The following SPAST variants were observed in gnomAD, a reference collection of about 807,000 sequenced individuals.
SPAST encodes spastic paraplegia 4 (autosomal dominant; spastin).
Under a neutral mutation model 76.6 loss-of-function variants are expected in SPAST, and 30 were observed. The observed-to-expected ratio is 0.39, with a 90% CI of 0.29 to 0.53. SPAST has a LOEUF of 0.53. Ranked by LOEUF, SPAST falls within the 20% of genes least tolerant of loss-of-function variation. The pLI, the probability that SPAST is intolerant of heterozygous loss-of-function variation, is 0.68. For synonymous variants in SPAST, 305 were observed against 281.0 expected (o/e 1.09, Z -0.86); for missense variants, 717 against 770.5 (o/e 0.93, Z 0.82).
rs368418754 is a variant in SPAST at position 32,150,071 on chromosome 2, C to CT, written c.1728+2826dup. ...AGAAAGCTTTTAGTTTTCTTTCTTT[C>CT]TTTTTTTTTTTTTGTGAGATGGAGT... On this transcript the variant is annotated intron_variant, in intron 16 of 16. Transcript: ENST00000315285. 8.8e-3 allele frequency among the ~76,000 whole-genome samples: 1,076 copies of CT among 122,868 alleles called. 9 individuals carry two copies. Among genetic ancestry groups the CT allele is most frequent in the Middle Eastern group, 0.017 (4 of 240 alleles). 80.6% of individuals were successfully genotyped at this position (122,868 alleles called of 152,430 possible). A position where few individuals can be genotyped will look rare whatever the true frequency, so the allele number is the denominator to read the frequency against.
At chr2:32,134,546 C>A (rs1244766920) in intron 9 of SPAST, among the ~76,000 whole-genome samples, 2 of 152,042 alleles carry the variant, frequency 1.3e-5, no homozygotes, top group Admixed American at 1.3e-4. Flanking sequence ...TCAAGTGATC[C>A]TCCCATTTCG....
intron 16 of SPAST, among the ~76,000 whole-genome samples, chr2:32,153,701 A>G (rs1026802678): frequency 3.9e-5 from 6 of 152,320 alleles, no homozygotes; most frequent in Non-Finnish European, 8.8e-5. Context: ...AAATATAGAT[A>G]TTCATTAACT....
intron 1 of SPAST, among the ~76,000 whole-genome samples, chr2:32,073,027 C>G (rs1464181635): frequency 6.6e-6 from 1 of 152,122 alleles, no homozygotes; most frequent in Non-Finnish European, 1.5e-5. Context: ...GCACCAAAGA[C>G]ACAAAAAAGC....
At chr2:32,088,119 C>G (rs1677566538) in intron 2 of SPAST, among the ~76,000 whole-genome samples, 1 of 151,932 alleles carries the variant, frequency 6.6e-6, no homozygotes, top group Non-Finnish European at 1.5e-5. Flanking sequence ...AACTCCTGAT[C>G]TCAAGTGATC....
intron 1 of SPAST, chr2:32,065,973 C>CT (rs34253724): frequency 0.021 from 2,705 of 131,820 alleles, 75 homozygotes; most frequent in East Asian, 0.07. Context: ...CTGCTCCATT[C>CT]TTTTTTTTTT....
Position 32,063,652 on chromosome 2 carries a change from C to T in SPAST, c.-180C>T, listed in dbSNP as rs1676372300. ...TGCAGGAGGAGAAGGGGTTGTGCTC[C>T]TGGCCGAGGAAGGAGAAAGGGGCGG... On this transcript the variant is annotated 5_prime_UTR_variant, in exon 1 of 17. Transcript: ENST00000315285. The T allele has an allele frequency of 1.3e-6, 1 of 762,136 alleles. No homozygotes were observed. The highest frequency in any genetic ancestry group is 2.0e-6 in the Non-Finnish European group (1 of 490,390). 47.2% of individuals were successfully genotyped at this position (762,136 alleles called of 1,614,324 possible).
In SPAST at chr2:32,136,902, A is replaced by G; in HGVS notation, c.1347A>G (p.Glu449=). The G allele has an allele frequency of 6.2e-7, 1 of 1,613,830 alleles. No individual in the cohort carries two copies. The highest frequency in any genetic ancestry group is 8.5e-7 in the Non-Finnish European group (1 of 1,179,794). Residue 449 remains glutamate (E), a synonymous_variant, in exon 11 of 17, where the codon GAA becomes GAG. Transcript: ENST00000315285. ...FIDEVDSLLC[E]RREGEHDASR... is the part of the protein sequence containing the mutation. Reference sequence around the variant, plus strand: ...ATGAAGTTGATAGCCTTTTGTGTGAAAGAAGAGAAGGGGAGCACGATGCTA... The same window carrying G: ...ATGAAGTTGATAGCCTTTTGTGTGAGAGAAGAGAAGGGGAGCACGATGCTA...
intron 9 of SPAST, among the ~76,000 whole-genome samples, chr2:32,135,657 T>C (rs115440025): frequency 0.014 from 2,145 of 152,010 alleles, 24 homozygotes; most frequent in Non-Finnish European, 0.021. Flanking sequence ...TCTGGAAATA[T>C]TTTGATATTT....
At chr2:32,119,019 A>C (rs1420547588) in intron 7 of SPAST, among the ~76,000 whole-genome samples, 1 of 152,210 alleles carries the variant, frequency 6.6e-6, no homozygotes, top group Non-Finnish European at 1.5e-5. Flanking sequence ...AGTTATTTCA[A>C]ATAAAGTTGA....
At chr2:32,071,523 A>G (rs1444096863) in intron 1 of SPAST, among the ~76,000 whole-genome samples, 1 of 152,202 alleles carries the variant, frequency 6.6e-6, no homozygotes, top group Non-Finnish European at 1.5e-5. Flanking sequence ...CCCATGACAC[A>G]GCCCCAGTAG....
chr2:32,117,135 C>G (rs1678864339), intron 7 of SPAST, among the ~76,000 whole-genome samples: 1 of 151,850 alleles, frequency 6.6e-6, no homozygotes, highest in African/African-American at 2.4e-5. Flanking sequence ...GGTGTGTAAC[C>G]CCAGCTACTC....
intron 7 of SPAST, among the ~76,000 whole-genome samples, chr2:32,117,941 T>C (rs768309078): frequency 1.3e-5 from 2 of 152,200 alleles, no homozygotes; most frequent in Non-Finnish European, 2.9e-5. Flanking sequence ...ATTTTATGAC[T>C]TATTAAGGAA....
chr2:32,084,887 CAAAAAAAA>C (rs34046587), intron 1 of SPAST, among the ~76,000 whole-genome samples: 1 of 81,570 alleles, frequency 1.2e-5, no homozygotes, highest in African/African-American at 4.8e-5. Context: ...GACTCCGTCT[CAAAAAAAA>C]AAAAAAAAAA....
At chr2:32,089,425 G>T in intron 2 of SPAST, 97 bp from the exon 3 acceptor site, 1 of 715,854 alleles carries the variant, frequency 1.4e-6, no homozygotes, top group South Asian at 1.6e-5. Context: ...TCTGTATAAA[G>T]ACTGTGACTC....
In SPAST at chr2:32,112,209, T is replaced by G. The variant is rs1678641930; in HGVS notation, c.683-2429T>G. On this transcript the variant is annotated intron_variant, in intron 4 of 16. Coordinates refer to ENST00000315285, the MANE Select transcript of SPAST (RefSeq NM_014946.4). ...CTCAGATGGACCACCTGCTTTGGCCTCCCAAAGCGCTAGGATTACAGGCAT... is the reference window on the plus strand; with the variant it reads ...CTCAGATGGACCACCTGCTTTGGCCGCCCAAAGCGCTAGGATTACAGGCAT... 2.0e-5 allele frequency among the ~76,000 whole-genome samples: 3 copies of G among 151,774 alleles called. No homozygotes were observed. The South Asian group carries it at 6.2e-4, about 32-fold the overall frequency.
intron 12 of SPAST, 118 bp from the exon 13 acceptor site, chr2:32,141,786 C>G (rs1679728256): frequency 1.3e-6 from 1 of 744,268 alleles, no homozygotes; most frequent in Admixed American, 2.6e-5. Context: ...ACATTGATAA[C>G]TACCAAAATG....
chr2:32,146,653 T>C (rs532899273), intron 15 of SPAST, among the ~76,000 whole-genome samples: 1 of 151,918 alleles, frequency 6.6e-6, no homozygotes, highest in Admixed American at 6.6e-5. Context: ...GATCATGAGG[T>C]CAGGAGTTCG....
At chr2:32,066,523 C>A (rs1412317816) in intron 1 of SPAST, among the ~76,000 whole-genome samples, 1 of 152,000 alleles carries the variant, frequency 6.6e-6, no homozygotes, top group East Asian at 1.9e-4. Flanking sequence ...CAAAAATTAG[C>A]TGGGCATGGT....
chr2:32,141,902 A>T lies in SPAST; in HGVS notation c.1494-2A>T, dbSNP rs1218081251. ...CTAAAAGTGCTGGATTTTTTTTTTT[A>T]GGCGTTTCATCAAACGGGTATATGT... On this transcript the variant is annotated splice_acceptor_variant, in intron 12 of 16. Coordinates refer to ENST00000315285, the MANE Select transcript of SPAST (RefSeq NM_014946.4). LOFTEE classifies it high-confidence loss of function. The T allele has an allele frequency of 6.2e-7, 1 of 1,602,426 alleles. No homozygotes were observed. Among genetic ancestry groups the T allele is most frequent in the Admixed American group, 1.7e-5 (1 of 59,160 alleles).
Sources: allele counts gnomAD v4.1 joint callset (sites outside exome capture counted in the v4.1 genomes callset), GRCh38; gene constraint gnomAD v4.1.1; transcripts MANE v1.5; gene names NCBI Gene and HGNC (gene_info 2026-07-23, HGNC 2026-07-21).